The following CRACD variants were observed in gnomAD, a reference collection of about 807,000 sequenced individuals.
CRACD encodes the protein capping protein-inhibiting regulator of actin dynamics.
In CRACD, 56 loss-of-function variants were observed where a neutral mutation model predicts 106.8. The observed-to-expected ratio is 0.52, with a 90% CI of 0.42 to 0.66. CRACD has a LOEUF of 0.66. CRACD is among the 30% of genes least tolerant of loss of function. CRACD has a pLI of 0.00. For synonymous variants in CRACD, 754 were observed against 670.8 expected (o/e 1.12, Z -1.92); for missense variants, 1,730 against 1,623.2 (o/e 1.07, Z -1.13).
At chr4:56,140,278 C>T (rs1159282216) in intron 1 of CRACD, among the ~76,000 whole-genome samples, 1 of 152,200 alleles carries the variant, frequency 6.6e-6, no homozygotes. Context: ...GTTCTCTAGT[C>T]TTTGCTCTGG....
intron 1 of CRACD, among the ~76,000 whole-genome samples, chr4:56,123,672 C>G (rs1049093373): frequency 6.6e-6 from 1 of 152,048 alleles, no homozygotes; most frequent in Non-Finnish European, 1.5e-5. Flanking sequence ...CAATTTGCCC[C>G]AAATTACTCA....
At chr4:56,083,652 A>G (rs1488111629) in intron 1 of CRACD, among the ~76,000 whole-genome samples, 1 of 152,064 alleles carries the variant, frequency 6.6e-6, no homozygotes, top group Non-Finnish European at 1.5e-5. Context: ...CTAATTGTTA[A>G]TTTTCTTAAA....
chr4:56,119,138 C>T (rs1272745859), intron 1 of CRACD, among the ~76,000 whole-genome samples: 2 of 152,094 alleles, frequency 1.3e-5, no homozygotes, highest in Non-Finnish European at 2.9e-5. Flanking sequence ...TTATATGCAT[C>T]ATCTCATATA....
At chr4:56,269,619 A>C (rs1742231242) in intron 2 of CRACD, among the ~76,000 whole-genome samples, 2 of 148,318 alleles carry the variant, frequency 1.3e-5, no homozygotes, top group Non-Finnish European at 3.0e-5. Context: ...AGGCTGGAGT[A>C]CAGTGGCATG....
intron 1 of CRACD, among the ~76,000 whole-genome samples, chr4:56,122,639 ACT>A (rs1408026751): frequency 5.3e-5 from 8 of 152,092 alleles, no homozygotes; most frequent in Non-Finnish European, 1.0e-4. Context: ...AACATCTACC[ACT>A]GTCTTCATTT....
intron 5 of CRACD, chr4:56,308,720 T>A: frequency 2.0e-6 from 2 of 984,988 alleles, no homozygotes; most frequent in Non-Finnish European, 2.4e-6. Flanking sequence ...ATTGACACCC[T>A]TTGTGTGGTA....
intron 1 of CRACD, among the ~76,000 whole-genome samples, chr4:56,168,747 A>T (rs1047365539): frequency 2.0e-5 from 3 of 151,142 alleles, no homozygotes; most frequent in Non-Finnish European, 4.4e-5. Flanking sequence ...TATGCAAAGG[A>T]TCCCTAGAAA....
intron 2 of CRACD, among the ~76,000 whole-genome samples, chr4:56,202,606 C>T (rs141200713): frequency 5.2e-4 from 79 of 152,160 alleles, no homozygotes; most frequent in African/African-American, 1.9e-3. Context: ...GCTAGGCTAA[C>T]AAAGTATTGT....
At chr4:56,214,679 C>CTATATATA (rs755261143) in intron 2 of CRACD, among the ~76,000 whole-genome samples, 106 of 74,222 alleles carry the variant, frequency 1.4e-3, no homozygotes, top group South Asian at 5.8e-3. Flanking sequence ...CTCTCTCTCT[C>CTATATATA]TCTATATATA....
At chr4:56,128,705 C>T (rs1734732587) in intron 1 of CRACD, among the ~76,000 whole-genome samples, 1 of 152,014 alleles carries the variant, frequency 6.6e-6, no homozygotes, top group Non-Finnish European at 1.5e-5. Context: ...AATTTGACGC[C>T]AACCTGGGTA....
At chr4:56,151,624 A>G (rs1396523688) in intron 1 of CRACD, among the ~76,000 whole-genome samples, 1 of 152,136 alleles carries the variant, frequency 6.6e-6, no homozygotes, top group Non-Finnish European at 1.5e-5. Flanking sequence ...CAAACCTCAT[A>G]CAAGTTTTGC....
chr4:56,075,072 G>A (rs1732793974), intron 1 of CRACD, among the ~76,000 whole-genome samples: 1 of 152,180 alleles, frequency 6.6e-6, no homozygotes, highest in South Asian at 2.1e-4. Context: ...TTGATGTGCT[G>A]TTGGATTTGG....
intron 1 of CRACD, among the ~76,000 whole-genome samples, chr4:56,084,238 A>G (rs1733138560): frequency 6.6e-6 from 1 of 152,204 alleles, no homozygotes; most frequent in Non-Finnish European, 1.5e-5. Context: ...AAAAGTCACG[A>G]ACTACGTTTG....
Position 56,321,792 on chromosome 4 carries a change from G to A in CRACD, c.3188-1585G>A, listed in dbSNP as rs553962055. Among the ~76,000 whole-genome samples, 37 of 152,244 alleles carry A rather than the reference G, an allele frequency of 2.4e-4. No homozygotes were observed. In the South Asian group the frequency reaches 3.3e-3, roughly 14 times the overall value. On this transcript the variant is annotated intron_variant, in intron 8 of 10. Transcript: ENST00000682029. ...TTCTCTGTTAGATCATAACTGAATCGTTATTTGATGATTTAGGGATATTGC... is the reference window on the plus strand; with the variant it reads ...TTCTCTGTTAGATCATAACTGAATCATTATTTGATGATTTAGGGATATTGC...
rs183343501 is a variant in CRACD, at chr4:56,259,984, A to G, written c.-188-12337A>G. Among the ~76,000 whole-genome samples the G allele has an allele frequency of 3.3e-5, 5 of 152,282 alleles. No individual in the cohort carries two copies. In the East Asian group the frequency reaches 5.8e-4, roughly 18 times the overall value. On this transcript the variant is annotated intron_variant, in intron 2 of 10. Coordinates refer to ENST00000682029, the MANE Select transcript of CRACD (RefSeq NM_001393381.1). ...GACTAATGGCCCAGATTCCTCAGAG[A>G]TGCAGGTTTCAGTCTTCCCACCAAG...
chr4:56,294,913 C>CAAAAAAAAAAAAAAAAAAAAATAAAAA (rs56200534), intron 3 of CRACD, among the ~76,000 whole-genome samples: 1 of 72,166 alleles, frequency 1.4e-5, no homozygotes, highest in Admixed American at 1.9e-4. Context: ...GACCTTGTCT[C>CAAAAAAAAAAAAAAAAAAAAATAAAAA]AAAAAAAAAA....
At chr4:56,079,667 A>G (rs1444958701) in intron 1 of CRACD, among the ~76,000 whole-genome samples, 1 of 152,044 alleles carries the variant, frequency 6.6e-6, no homozygotes, top group Non-Finnish European at 1.5e-5. Context: ...CTGGTCTTGA[A>G]CTTCTGACTT....
intron 2 of CRACD, among the ~76,000 whole-genome samples, chr4:56,250,695 CA>C (rs1433108890): frequency 2.0e-5 from 3 of 152,140 alleles, no homozygotes; most frequent in African/African-American, 7.2e-5. Context: ...TAACAACGGG[CA>C]AATCATCTCA....
At chr4:56,125,764 C>CTTTTTTTTTTTTTTT (rs11289899) in intron 1 of CRACD, among the ~76,000 whole-genome samples, 2 of 73,298 alleles carry the variant, frequency 2.7e-5, no homozygotes, top group African/African-American at 5.4e-5. Context: ...CATTCTTCTT[C>CTTTTTTTTTTTTTTT]TTTTTTTTTT....
Sources: allele counts gnomAD v4.1 joint callset (sites outside exome capture counted in the v4.1 genomes callset), GRCh38; gene constraint gnomAD v4.1.1; transcripts MANE v1.5; gene names NCBI Gene and HGNC (gene_info 2026-07-23, HGNC 2026-07-21).